The following SCARA3 variants were observed in gnomAD, a reference collection of about 807,000 sequenced individuals.
SCARA3 encodes scavenger receptor class A member 3.
A neutral mutation model predicts 47.0 loss-of-function variants in SCARA3; 39 were observed. The observed-to-expected ratio is 0.83, with a 90% confidence interval of 0.64 to 1.08. SCARA3 has a LOEUF of 1.08. SCARA3 is among the 50% of genes least tolerant of loss of function. SCARA3 has a pLI of 0.00. For synonymous variants in SCARA3, 356 were observed against 334.1 expected, an observed-to-expected ratio of 1.07 and a Z score of -0.71; for missense variants, 724 against 792.3, an observed-to-expected ratio of 0.91 and a Z score of 1.04.
chr8:27,727,374 C>T, the SCARA3 span, among the ~76,000 whole-genome samples: 3 of 152,228 alleles, frequency 2.0e-5, no homozygotes, highest in African/African-American at 7.2e-5. Context: ...TCTCAAGGAC[C>T]GCTGAACCTC....
chr8:27,660,698 G>A (rs111074874), intron 5 of SCARA3, among the ~76,000 whole-genome samples: 4,566 of 62,082 alleles, frequency 0.074, 106 homozygotes, highest in South Asian at 0.19. Flanking sequence ...ATAGATGATA[G>A]ATAGATAGAT....
At chr8:27,646,977 C>CCCCCCCCCCCCCCA (rs1801514271) in intron 1 of SCARA3, among the ~76,000 whole-genome samples, 1 of 109,300 alleles carries the variant, frequency 9.1e-6, no homozygotes, top group South Asian at 4.6e-4. Context: ...CCCCCGCCCC[C>CCCCCCCCCCCCCCA]CCCCCGCACA....
chr8:27,728,564 C>T, the SCARA3 span, among the ~76,000 whole-genome samples: 1 of 152,148 alleles, frequency 6.6e-6, no homozygotes, highest in Non-Finnish European at 1.5e-5. Flanking sequence ...CTGGAGGGGC[C>T]GTCGCTGGGG....
chr8:27,692,957 T>A, the SCARA3 span, among the ~76,000 whole-genome samples: 1 of 151,742 alleles, frequency 6.6e-6, no homozygotes, highest in Non-Finnish European at 1.5e-5. Context: ...AAACCCTGTC[T>A]CTACAAAAAA....
At chr8:27,715,589 T>TGATA in the SCARA3 span, among the ~76,000 whole-genome samples, 1,035 of 45,712 alleles carry the variant, frequency 0.023, 4 homozygotes, top group East Asian at 0.034. This position sits in a 1 kb window ranked among gnomAD's most constrained non-coding sequence, Gnocchi z 4.2. Flanking sequence ...CCTAGATAGA[T>TGATA]GATAGATAGA....
intron 5 of SCARA3, among the ~76,000 whole-genome samples, chr8:27,660,859 T>C (rs1336290410): frequency 6.6e-6 from 1 of 151,616 alleles, no homozygotes; most frequent in East Asian, 1.9e-4. Context: ...GATAGATAGA[T>C]AGATAGATAG....
At chr8:27,698,248 G>C in the SCARA3 span, among the ~76,000 whole-genome samples, 1 of 148,446 alleles carries the variant, frequency 6.7e-6, no homozygotes, top group Non-Finnish European at 1.5e-5. Context: ...TGGTAAATTA[G>C]AACGTAAATA....
the SCARA3 span, among the ~76,000 whole-genome samples, chr8:27,683,670 C>T: frequency 6.6e-6 from 1 of 152,054 alleles, no homozygotes; most frequent in Non-Finnish European, 1.5e-5. Context: ...GAAAGAAAAA[C>T]ATAGTCTACA....
In SCARA3 at chr8:27,634,217, G is replaced by T. The variant is rs1801197118; in HGVS notation, c.7+10G>T. On this transcript the variant is annotated intron_variant, in intron 1 of 5. Coordinates refer to ENST00000301904, the MANE Select transcript of SCARA3 (RefSeq NM_016240.3). ...GAAGAGACCATGAAAGGTAAGGGCG[G>T]CCTGTCGGGGGCAGCTCCGAGGGGG... 7.3e-7 allele frequency: 1 copy of T among 1,366,594 alleles called. No individual in the cohort carries two copies. The allele number at this position is 1,366,594 out of a possible 1,614,324, so 84.7% of individuals were successfully genotyped here. A position where few individuals can be genotyped will look rare whatever the true frequency, so the allele number is the denominator to read the frequency against.
Position 27,649,684 on chromosome 8 carries a change from G to A in SCARA3, c.8-18G>A. 6.2e-7 allele frequency: 1 copy of A among 1,612,238 alleles called. No individual in the cohort carries two copies. Among genetic ancestry groups the A allele is most frequent in the Non-Finnish European group, 8.5e-7 (1 of 1,178,648 alleles). On this transcript the variant is annotated intron_variant, in intron 1 of 5. Coordinates refer to ENST00000301904, the MANE Select transcript of SCARA3 (RefSeq NM_016240.3). ...GCCTGGGATGGCTTTGGGTCTGACGGCACTGGCTTCATTATAGTGAGGTCG... is the reference window on the plus strand; with the variant it reads ...GCCTGGGATGGCTTTGGGTCTGACGACACTGGCTTCATTATAGTGAGGTCG...
the SCARA3 span, among the ~76,000 whole-genome samples, chr8:27,690,061 A>C: frequency 6.6e-6 from 1 of 152,320 alleles, no homozygotes; most frequent in South Asian, 2.1e-4. Context: ...CCAGTATTAG[A>C]GTACCCAAGA....
chr8:27,700,466 G>T, the SCARA3 span, among the ~76,000 whole-genome samples: 1 of 152,094 alleles, frequency 6.6e-6, no homozygotes, highest in African/African-American at 2.4e-5. Context: ...AATTAGCTGG[G>T]CATGGTGGTG....
chr8:27,661,385 G>A (rs756442280), intron 5 of SCARA3, among the ~76,000 whole-genome samples: 53 of 152,142 alleles, frequency 3.5e-4, no homozygotes, highest in Non-Finnish European at 1.9e-4. Context: ...TAAAGTCCTT[G>A]AGTGAATTTT....
At chr8:27,655,911 A>C (rs1004691312) in intron 3 of SCARA3, among the ~76,000 whole-genome samples, 3 of 152,208 alleles carry the variant, frequency 2.0e-5, no homozygotes, top group African/African-American at 7.2e-5. Context: ...TGTTCAGAAC[A>C]TCCCAGTTTT....
chr8:27,726,708 A>G, the SCARA3 span, among the ~76,000 whole-genome samples: 1 of 152,200 alleles, frequency 6.6e-6, no homozygotes, highest in Non-Finnish European at 1.5e-5. Context: ...CTCAAAAAAA[A>G]TAAAAAATAA....
At chr8:27,653,570 CGTGTGT>C (rs61545866) in intron 3 of SCARA3, among the ~76,000 whole-genome samples, 9 of 145,196 alleles carry the variant, frequency 6.2e-5, no homozygotes, top group East Asian at 2.1e-4. Flanking sequence ...ATTTGTAAAG[CGTGTGT>C]GTGTGTGTGT....
chr8:27,660,746 C>T, intron 5 of SCARA3, among the ~76,000 whole-genome samples: 1 of 148,550 alleles, frequency 6.7e-6, no homozygotes. Context: ...TCCAGAGAAA[C>T]AGAATCAATA....
the SCARA3 span, among the ~76,000 whole-genome samples, chr8:27,691,437 A>G: frequency 1.3e-4 from 20 of 151,958 alleles, no homozygotes; most frequent in Admixed American, 1.2e-3. Context: ...GTTCATTTCA[A>G]TATACTTTCC....
At position 27,659,248 on chromosome 8, in the gene SCARA3, A is replaced by G. The variant is rs753573072; in HGVS notation, c.1078A>G (p.Ile360Val). 40 of 1,613,984 alleles carry G rather than the reference A, an allele frequency of 2.5e-5. No homozygotes were observed. The Admixed American group carries it at 4.2e-4, about 17-fold the overall frequency. The change falls in exon 5 of 6, where the codon ATC (isoleucine) becomes GTC (valine). Residue 360 changes from isoleucine (I) to valine (V), a missense_variant. Ile to Val is a conservative substitution (Grantham distance 29). Coordinates refer to ENST00000301904, the MANE Select transcript of SCARA3 (RefSeq NM_016240.3). ...MASHEIEIGT[I>V]FTNINATDNH... ...TTCTCACGAGATTGAAATTGGCACC[A>G]TCTTCACCAACATCAATGCCACCGA...
Sources: allele counts gnomAD v4.1 joint callset (sites outside exome capture counted in the v4.1 genomes callset), GRCh38; gene constraint gnomAD v4.1.1; non-coding constraint Gnocchi (gnomAD v3.1); transcripts MANE v1.5; gene names NCBI Gene and HGNC (gene_info 2026-07-23, HGNC 2026-07-21).